Variants in GCLC observed in about 807,000 individuals in gnomAD.
GCLC encodes the protein glutamate--cysteine ligase catalytic subunit.
Under a neutral mutation model 81.5 loss-of-function variants are expected in GCLC, and 30 were observed. The ratio of observed to expected loss-of-function variants is 0.37; its 90% CI spans 0.28 to 0.50. The LOEUF is 0.50. Ranked by LOEUF, GCLC falls within the 20% of genes least tolerant of loss-of-function variation. The pLI is 0.96. For synonymous variants in GCLC, 262 were observed against 273.3 expected (o/e 0.96, Z 0.41); for missense variants, 556 against 777.4 (o/e 0.72, Z 3.39).
At chr6:53,526,797 C>CAAA (rs58177984) in intron 1 of GCLC, among the ~76,000 whole-genome samples, 3 of 107,432 alleles carry the variant, frequency 2.8e-5, no homozygotes, top group Non-Finnish European at 4.0e-5. Flanking sequence ...GACTCCGCCT[C>CAAA]AAAAAAAAAA....
At position 53,506,608 on chromosome 6, in the gene GCLC, G is replaced by GT. The variant is rs1235011705; in HGVS notation, c.1197+304dup. Among the ~76,000 whole-genome samples, 2 of 152,020 alleles carry GT rather than the reference G, an allele frequency of 1.3e-5. No individual in the cohort carries two copies. The highest frequency in any genetic ancestry group is 3.9e-4 in the East Asian group (2 of 5,178). ...CTGATCAGGTTATTTTTTGTGCAGT[G>GT]TATGTTTGAATTTTTCACCACTAGG... On this transcript the variant is annotated intron_variant, in intron 10 of 15. Coordinates refer to ENST00000650454, the MANE Select transcript of GCLC (RefSeq NM_001498.4). This position sits in a 1 kb window ranked among gnomAD's most constrained non-coding sequence, Gnocchi z 4.0.
At position 53,544,535 on chromosome 6, in the gene GCLC, G is replaced by C; in HGVS notation, c.111C>G (p.Val37=). 6.2e-7 allele frequency: 1 copy of C among 1,609,150 alleles called. No homozygotes were observed. The highest frequency in any genetic ancestry group is 8.5e-7 in the Non-Finnish European group (1 of 1,179,646). The part of the protein sequence containing the change: ...ILQFLHIYHA[V]KDRHKDVLKW... ...TGAGAACGTCCTTGTGCCGGTCCTTGACGGCGTGGTAGATGTGCAGGAACT... is the reference window on the plus strand; with the variant it reads ...TGAGAACGTCCTTGTGCCGGTCCTTCACGGCGTGGTAGATGTGCAGGAACT... The change falls in exon 1 of 16, where the codon GTC becomes GTG. Residue 37 remains valine (V), a synonymous_variant. Coordinates refer to ENST00000650454, the MANE Select transcript of GCLC (RefSeq NM_001498.4).
Position 53,541,882 on chromosome 6 carries a change from G to A in GCLC, c.150+2614C>T, listed in dbSNP as rs575486707. On this transcript the variant is annotated intron_variant, in intron 1 of 15. Coordinates refer to ENST00000650454, the MANE Select transcript of GCLC (RefSeq NM_001498.4). ...GCAGTGTTATCAAATCTTTTTTTGGGGTAGGGGGCTAGGGTCTCACTGTCA... is the reference window on the plus strand; with the variant it reads ...GCAGTGTTATCAAATCTTTTTTTGGAGTAGGGGGCTAGGGTCTCACTGTCA... Among the ~76,000 whole-genome samples the A allele has an allele frequency of 3.3e-5, 5 of 152,054 alleles. No individual in the cohort carries two copies. In the South Asian group the frequency reaches 1.0e-3, roughly 32 times the overall value.
intron 1 of GCLC, among the ~76,000 whole-genome samples, chr6:53,528,962 G>T (rs1356307583): frequency 6.6e-6 from 1 of 152,120 alleles, no homozygotes; most frequent in African/African-American, 2.4e-5. Context: ...AAACTGGGAG[G>T]ACTCTCATAC....
At chr6:53,516,270 T>A in intron 3 of GCLC, 48 bp from the exon 4 acceptor site, 1 of 1,224,198 alleles carries the variant, frequency 8.2e-7, no homozygotes, top group African/African-American at 1.5e-5. Flanking sequence ...TTTCAAGAAT[T>A]AATTGTGTGC....
At chr6:53,514,547 G>C (rs781039743) in intron 4 of GCLC, 50 bp from the exon 5 acceptor site, 1 of 1,305,808 alleles carries the variant, frequency 7.7e-7, no homozygotes, top group Non-Finnish European at 1.1e-6. Flanking sequence ...GAGTCATCGT[G>C]TAAAAGAAGA....
rs1764403928 is a variant in GCLC, at chr6:53,497,911, A to T, written c.*845T>A. The T allele has an allele frequency of 6.6e-6, 1 of 152,524 alleles. No homozygotes were observed. The allele number at this position is 152,524 out of a possible 1,614,324, so 9.4% of individuals were successfully genotyped here. ...ACAGCAGCAATCAGAATAACAGGCC[A>T]CAAGAGAAGAACGCCATTTTTGACA... On this transcript the variant is annotated 3_prime_UTR_variant, in exon 16 of 16. Coordinates refer to ENST00000650454, the MANE Select transcript of GCLC (RefSeq NM_001498.4).
chr6:53,532,840 G>C (rs1346206195), intron 1 of GCLC, among the ~76,000 whole-genome samples: 1 of 152,028 alleles, frequency 6.6e-6, no homozygotes, highest in East Asian at 1.9e-4. Flanking sequence ...TGTTTTGGGG[G>C]CTCTTTCGTA....
intron 1 of GCLC, chr6:53,522,912 G>A (rs1394509106): frequency 8.5e-6 from 2 of 235,912 alleles, no homozygotes; most frequent in East Asian, 2.1e-4. Context: ...GTTTAAGAAA[G>A]AGGTTATCTG....
chr6:53,531,693 TTCAAG>T lies in GCLC; in HGVS notation c.151-9171_151-9167del, dbSNP rs74511174. ...ATTTCAAGAGCTGGCTCTTGTGTGC[TTCAAG>T]TCAAGTGCCACTCCTTCAGAGACCT... is the stretch of plus-strand genomic sequence containing the variant. On this transcript the variant is annotated intron_variant, in intron 1 of 15. Transcript: ENST00000650454. Among the ~76,000 whole-genome samples the T allele has an allele frequency of 0.012, 1,862 of 152,298 alleles. 91 individuals are homozygous for T. The East Asian group carries it at 0.18, about 14-fold the overall frequency.
chr6:53,515,956 A>G (rs964020452), intron 4 of GCLC, among the ~76,000 whole-genome samples, 153 bp downstream of exon 4: 1 of 152,190 alleles, frequency 6.6e-6, no homozygotes, highest in Non-Finnish European at 1.5e-5. Context: ...GAAGATGTGA[A>G]CAGGTGCACA....
At chr6:53,521,473 C>T (rs1214749291) in intron 2 of GCLC, among the ~76,000 whole-genome samples, 1 of 151,858 alleles carries the variant, frequency 6.6e-6, no homozygotes, top group East Asian at 1.9e-4. Flanking sequence ...TTATAAGTAA[C>T]TGAAAATGCA....
At chr6:53,539,153 T>C (rs185462396) in intron 1 of GCLC, among the ~76,000 whole-genome samples, 61 of 152,326 alleles carry the variant, frequency 4.0e-4, no homozygotes, top group African/African-American at 1.4e-3. Flanking sequence ...AAAACCCATA[T>C]CTGAAAAGCT....
chr6:53,518,375 G>A (rs944947696), intron 3 of GCLC, among the ~76,000 whole-genome samples: 3 of 151,934 alleles, frequency 2.0e-5, no homozygotes, highest in African/African-American at 4.8e-5. Context: ...CTCAGCCTCC[G>A]GAGTAGCTGG....
chr6:53,524,226 G>A (rs1215196094), intron 1 of GCLC, among the ~76,000 whole-genome samples: 1 of 152,174 alleles, frequency 6.6e-6, no homozygotes, highest in African/African-American at 2.4e-5. Context: ...TGGGCAAAGG[G>A]GCTCAGAGAG....
At position 53,497,765 on chromosome 6, in the gene GCLC, G is replaced by A. The variant is rs920545977; in HGVS notation, c.*991C>T. The A allele has an allele frequency of 6.6e-6, 1 of 152,566 alleles. No homozygotes were observed. Among genetic ancestry groups the A allele is most frequent in the African/African-American group, 2.4e-5 (1 of 41,432 alleles). 9.5% of individuals were successfully genotyped at this position (152,566 alleles called of 1,614,324 possible). On this transcript the variant is annotated 3_prime_UTR_variant, in exon 16 of 16. Coordinates refer to ENST00000650454, the MANE Select transcript of GCLC (RefSeq NM_001498.4). Reference sequence around the variant, plus strand: ...AGTGCCTTTCATGATTTATTGATGAGTTTTATAGAGAAAGTAAGCAGTATG... The same window carrying A: ...AGTGCCTTTCATGATTTATTGATGAATTTTATAGAGAAAGTAAGCAGTATG...
At chr6:53,504,950 G>A (rs1382403121) in intron 12 of GCLC, among the ~76,000 whole-genome samples, 3 of 152,122 alleles carry the variant, frequency 2.0e-5, no homozygotes, top group African/African-American at 7.2e-5. Context: ...GAGTTGTTTT[G>A]CTGGCAAACT....
At chr6:53,513,046 C>G (rs756941015) in intron 6 of GCLC, 25 of 152,284 alleles carry the variant, frequency 1.6e-4, no homozygotes, top group African/African-American at 6.0e-4. Context: ...CTTATACTAC[C>G]TATAAATGTC....
At chr6:53,543,881 A>C (rs1209460087) in intron 1 of GCLC, among the ~76,000 whole-genome samples, 1 of 152,224 alleles carries the variant, frequency 6.6e-6, no homozygotes, top group Non-Finnish European at 1.5e-5. Context: ...ATGCATTCCC[A>C]CTTAGAATTA....
Sources: allele counts gnomAD v4.1 joint callset (sites outside exome capture counted in the v4.1 genomes callset), GRCh38; gene constraint gnomAD v4.1.1; non-coding constraint Gnocchi (gnomAD v3.1); transcripts MANE v1.5; gene names NCBI Gene and HGNC (gene_info 2026-07-23, HGNC 2026-07-21).